ADCK5: variants seen among roughly 807,000 people sequenced by gnomAD.
ADCK5 encodes aarF domain containing kinase 5.
ADCK5 carries 43 observed loss-of-function variants against 64.9 expected under a neutral mutation model. The ratio of observed to expected loss-of-function variants is 0.66; its 90% CI spans 0.52 to 0.85. The LOEUF (loss-of-function observed/expected upper bound fraction) is 0.85. Among genes scored for constraint, ADCK5 ranks in the 40% least tolerant of loss-of-function variants. The pLI is 0.00. For missense variants in ADCK5, 760 were observed against 810.5 expected (o/e 0.94, Z 0.76); for synonymous variants, 434 against 342.8 (o/e 1.27, Z -2.94).
Position 144,379,499 on chromosome 8 carries a change from TC to T in ADCK5, c.116+11del, listed in dbSNP as rs1554857739. 2 of 1,589,182 alleles carry T rather than the reference TC, an allele frequency of 1.3e-6. No homozygotes were observed. Among genetic ancestry groups the T allele is most frequent in the African/African-American group, 1.3e-5 (1 of 74,156 alleles). ...AGGGGCCTTCCTCCAAGGTAACGAG[TC>T]CTCCACGGGCATGCGCCTCTCACCC... On this transcript the variant is annotated intron_variant, in intron 2 of 14. Transcript: ENST00000308860.
At chr8:144,381,687 A>G (rs1356960030) in intron 2 of ADCK5, among the ~76,000 whole-genome samples, 1 of 150,740 alleles carries the variant, frequency 6.6e-6, no homozygotes, top group Non-Finnish European at 1.5e-5. Flanking sequence ...AGTCAGAATT[A>G]TGGGCCGGGT....
chr8:144,374,079 C>T lies in ADCK5; in HGVS notation c.-17C>T, dbSNP rs971940695. 4 of 1,247,466 alleles carry T rather than the reference C, an allele frequency of 3.2e-6. No homozygotes were observed. Among genetic ancestry groups the T allele is most frequent in the Non-Finnish European group, 4.0e-6 (4 of 988,686 alleles). The allele number at this position is 1,247,466 out of a possible 1,614,324, so 77.3% of individuals were successfully genotyped here. A position where few individuals can be genotyped will look rare whatever the true frequency, so the allele number is the denominator to read the frequency against. ...TAAGCGGCGCCGGGCGGGAGAAGAG[C>T]GGAGCAGTGGTCGGAGATGTGGCGA... On this transcript the variant is annotated 5_prime_UTR_variant, in exon 1 of 15. Transcript: ENST00000308860.
At chr8:144,373,819 C>A, upstream of ADCK5, 1 of 363,212 alleles carries the variant, frequency 2.8e-6, no homozygotes, top group East Asian at 4.1e-5. Context: ...GGTGCCTGCC[C>A]GGGGAATGCG....
Position 144,392,331 on chromosome 8 carries a change from C to T in ADCK5, c.1253C>T (p.Ala418Val). 1.4e-6 allele frequency: 1 copy of T among 734,476 alleles called. No individual in the cohort carries two copies. The highest frequency in any genetic ancestry group is 2.0e-6 in the Non-Finnish European group (1 of 506,248). The allele number at this position is 734,476 out of a possible 1,614,324, so 45.5% of individuals were successfully genotyped here. A position where few individuals can be genotyped will look rare whatever the true frequency, so the allele number is the denominator to read the frequency against. The change falls in exon 12 of 15, where the codon GCA becomes GTA. Residue 418 changes from alanine (A) to valine (V), a missense_variant. Coordinates refer to ENST00000308860, the MANE Select transcript of ADCK5 (RefSeq NM_174922.5). ...DDAAMRAHAAALGVQDYLLFA... is the reference protein window; with the variant it reads ...DDAAMRAHAAVLGVQDYLLFA... ...GCCGCCATGAGGGCGCACGCAGCCG[C>T]ACTGGGGGTGCAAGGTGAGGGCGTG...
upstream of ADCK5, chr8:144,374,030 A>G: frequency 1.6e-6 from 2 of 1,241,440 alleles, no homozygotes; most frequent in South Asian, 8.2e-5. Context: ...GCCCTCCCGC[A>G]GGGCCTGCTG....
In ADCK5 at chr8:144,391,181, C is replaced by T; in HGVS notation, c.591C>T (p.Leu197=). The T allele has an allele frequency of 6.2e-7, 1 of 1,612,390 alleles. No homozygotes were observed. Among genetic ancestry groups the T allele is most frequent in the Non-Finnish European group, 8.5e-7 (1 of 1,180,022 alleles). The change falls in exon 6 of 15, where the codon CTC becomes CTT. Residue 197 remains leucine (L), a synonymous_variant. Coordinates refer to ENST00000308860, the MANE Select transcript of ADCK5 (RefSeq NM_174922.5). ...ACTTCCAGGCCCTCCCCCACGAGCTCTTCCAGGAGTTTGACTACCAGCCAA... is the reference window on the plus strand; with the variant it reads ...ACTTCCAGGCCCTCCCCCACGAGCTTTTCCAGGAGTTTGACTACCAGCCAA... ...LEDFQALPHE[L]FQEFDYQPIA... is the part of the protein sequence containing the mutation.
intron 3 of ADCK5, among the ~76,000 whole-genome samples, chr8:144,385,724 G>A (rs1819888686): frequency 6.6e-6 from 1 of 151,754 alleles, no homozygotes; most frequent in African/African-American, 2.4e-5. Context: ...AGAACTTTGG[G>A]AGGCCGAGGT....
chr8:144,390,216 T>C (rs530386679), intron 3 of ADCK5, among the ~76,000 whole-genome samples: 2 of 152,120 alleles, frequency 1.3e-5, no homozygotes, highest in Non-Finnish European at 2.9e-5. Flanking sequence ...AGTCTCCACC[T>C]CCTAGGCTCA....
Position 144,391,821 on chromosome 8 carries a change from C to G in ADCK5, c.969C>G (p.Val323=). 1 of 1,481,462 alleles carries G rather than the reference C, an allele frequency of 6.8e-7. No homozygotes were observed. Among genetic ancestry groups the G allele is most frequent in the Non-Finnish European group, 9.0e-7 (1 of 1,112,950 alleles). The allele number at this position is 1,481,462 out of a possible 1,614,324, so 91.8% of individuals were successfully genotyped here. The change falls in exon 9 of 15, where the codon GTC becomes GTG. Residue 323 remains valine, a synonymous_variant. Coordinates refer to ENST00000308860, the MANE Select transcript of ADCK5 (RefSeq NM_174922.5). ...CCGACTTCTGCGCCGGCTGCAAGGT[C>G]AACGATGTGGAGGCCATCAGGAGCC... ...LTADFCAGCK[V]NDVEAIRSQG... is the part of the protein sequence containing the mutation.
intron 3 of ADCK5, among the ~76,000 whole-genome samples, chr8:144,385,380 C>T (rs1819871916): frequency 1.3e-5 from 2 of 151,536 alleles, no homozygotes; most frequent in Non-Finnish European, 2.9e-5. Flanking sequence ...GACAGGGTTT[C>T]GTCATGTTGG....
chr8:144,374,530 C>T (rs1819285435), intron 1 of ADCK5, among the ~76,000 whole-genome samples: 1 of 152,142 alleles, frequency 6.6e-6, no homozygotes, highest in South Asian at 2.1e-4. Flanking sequence ...GCAGGGGCCC[C>T]TCCGCCCAGC....
At position 144,392,352 on chromosome 8, in the gene ADCK5, G is replaced by GGGTGCAAGGTGAGGC; in HGVS notation, c.1267+7_1267+8insGGTGCAAGGTGAGGC. 6.7e-7 allele frequency: 1 copy of GGGTGCAAGGTGAGGC among 1,488,972 alleles called. No individual in the cohort carries two copies. Among genetic ancestry groups the GGGTGCAAGGTGAGGC allele is most frequent in the Non-Finnish European group, 8.9e-7 (1 of 1,120,912 alleles). 92.2% of individuals were successfully genotyped at this position (1,488,972 alleles called of 1,614,324 possible). A position where few individuals can be genotyped will look rare whatever the true frequency, so the allele number is the denominator to read the frequency against. ...GCCGCACTGGGGGTGCAAGGTGAGGGCGTGCGGGGATGGCTGGGGCACCAC... is the reference window on the plus strand; with the variant it reads ...GCCGCACTGGGGGTGCAAGGTGAGGGGGTGCAAGGTGAGGCCGTGCGGGGATGGCTGGGGCACCAC... On this transcript the variant is annotated splice_region_variant and intron_variant, in intron 12 of 14. Coordinates refer to ENST00000308860, the MANE Select transcript of ADCK5 (RefSeq NM_174922.5).
chr8:144,381,482 G>A (rs587724342), intron 2 of ADCK5, among the ~76,000 whole-genome samples: 16 of 136,100 alleles, frequency 1.2e-4, no homozygotes, highest in Admixed American at 7.1e-5. Context: ...TGGGCTGGGT[G>A]TAGAATCAGA....
At chr8:144,388,898 C>T (rs150293136) in intron 3 of ADCK5, among the ~76,000 whole-genome samples, 33 of 152,344 alleles carry the variant, frequency 2.2e-4, no homozygotes, top group African/African-American at 7.9e-4. Flanking sequence ...TCCACCTGAG[C>T]GCCAGAGCTG....
chr8:144,392,409 A>G (rs1554861209), intron 12 of ADCK5, 36 bp from the exon 13 acceptor site: 1 of 1,489,256 alleles, frequency 6.7e-7, no homozygotes, highest in South Asian at 1.3e-5. Context: ...GAACCCACTC[A>G]GAGCCCCCTC....
At chr8:144,383,261 C>G in intron 3 of ADCK5, 31 bp downstream of exon 3, 1 of 1,532,836 alleles carries the variant, frequency 6.5e-7, no homozygotes, top group African/African-American at 1.4e-5. Flanking sequence ...GCAGGGGTTG[C>G]GGCGTGGCGG....
At chr8:144,379,516 C>T (rs782608476) in intron 2 of ADCK5, 26 bp downstream of exon 2, 2 of 1,543,870 alleles carry the variant, frequency 1.3e-6, no homozygotes, top group East Asian at 2.3e-5. Flanking sequence ...CGGGCATGCG[C>T]CTCTCACCCA....
chr8:144,380,505 T>C (rs71520572), intron 2 of ADCK5, among the ~76,000 whole-genome samples: 14 of 101,862 alleles, frequency 1.4e-4, no homozygotes, highest in South Asian at 3.6e-4. Flanking sequence ...GATTATGGGC[T>C]GGGTGTAGAA....
At position 144,383,248 on chromosome 8, in the gene ADCK5, C is replaced by CA. The variant is rs781844552; in HGVS notation, c.266+19dup. 38 of 1,553,440 alleles carry CA rather than the reference C, an allele frequency of 2.4e-5. No homozygotes were observed. The Admixed American group carries it at 2.6e-4, about 11-fold the overall frequency. On this transcript the variant is annotated intron_variant, in intron 3 of 14. Coordinates refer to ENST00000308860, the MANE Select transcript of ADCK5 (RefSeq NM_174922.5). ...TTTGGCAGGTAGGAGGGCCTGGCGGCAGGCAGGGGTTGCGGCGTGGCGGGC... is the reference window on the plus strand; with the variant it reads ...TTTGGCAGGTAGGAGGGCCTGGCGGCAAGGCAGGGGTTGCGGCGTGGCGGGC...
Sources: gnomAD v4.1 joint callset for allele counts (sites outside exome capture counted in the v4.1 genomes callset) on GRCh38, gnomAD v4.1.1 for gene constraint, MANE v1.5 for transcripts, NCBI Gene and HGNC (gene_info 2026-07-23, HGNC 2026-07-21) for gene names.